The following DPY19L3 variants were observed in gnomAD, a reference collection of about 807,000 sequenced individuals.
DPY19L3 encodes the protein protein C-mannosyl-transferase DPY19L3.
Under a neutral mutation model 92.3 loss-of-function variants are expected in DPY19L3, and 51 were observed. The ratio of observed to expected loss-of-function variants is 0.55; its 90% confidence interval spans 0.44 to 0.70. The LOEUF is 0.70. Among genes scored for constraint, DPY19L3 ranks in the 30% least tolerant of loss-of-function variants. The pLI is 0.00. For synonymous variants in DPY19L3, 309 were observed against 315.2 expected (o/e 0.98, Z 0.21); for missense variants, 706 against 855.9 (o/e 0.82, Z 2.18).
At chr19:32,476,528 C>CAAAA (rs71176126) in intron 16 of DPY19L3, among the ~76,000 whole-genome samples, 3 of 93,316 alleles carry the variant, frequency 3.2e-5, no homozygotes, top group Non-Finnish European at 6.6e-5. Flanking sequence ...CTCAGGTTTC[C>CAAAA]AAAAAAAAAA....
intron 7 of DPY19L3, 59 bp from the exon 8 acceptor site, chr19:32,439,717 T>G: frequency 1.3e-6 from 2 of 1,566,848 alleles, no homozygotes; most frequent in Non-Finnish European, 1.7e-6. Flanking sequence ...AGAAAACTTG[T>G]CTGCAAGGTT....
At chr19:32,466,382 ACC>A (rs1408700159) in intron 15 of DPY19L3, among the ~76,000 whole-genome samples, 2 of 151,974 alleles carry the variant, frequency 1.3e-5, no homozygotes, top group Non-Finnish European at 2.9e-5. Context: ...AGTTTTAAGA[ACC>A]CCCTGCTGTA....
intron 16 of DPY19L3, among the ~76,000 whole-genome samples, chr19:32,476,817 AT>A (rs766785305): frequency 1.8e-4 from 27 of 152,242 alleles, no homozygotes; most frequent in African/African-American, 6.3e-4. Context: ...CATCAGAAGT[AT>A]TTGTGTATCC....
intron 10 of DPY19L3, among the ~76,000 whole-genome samples, chr19:32,457,587 C>T (rs751272395): frequency 7.2e-5 from 11 of 152,182 alleles, no homozygotes; most frequent in Non-Finnish European, 1.6e-4. Context: ...ATTGTAATCA[C>T]TAATGATGAA....
intron 14 of DPY19L3, 102 bp from the exon 15 acceptor site, chr19:32,464,626 C>T: frequency 1.5e-6 from 1 of 666,978 alleles, no homozygotes. Context: ...CACTTGAGCC[C>T]AAGAATTCCA....
chr19:32,467,529 A>T (rs1313679832), intron 15 of DPY19L3: 2 of 987,482 alleles, frequency 2.0e-6, no homozygotes, highest in African/African-American at 3.5e-5. Flanking sequence ...TGATTCACCC[A>T]CCCAGGAGAC....
At chr19:32,407,264 T>TCCCCCCCCCCC (rs148363125) in intron 1 of DPY19L3, among the ~76,000 whole-genome samples, 1 of 81,312 alleles carries the variant, frequency 1.2e-5, no homozygotes. Context: ...AGGCTCCTGC[T>TCCCCCCCCCCC]CCCCCCCACC....
intron 12 of DPY19L3, among the ~76,000 whole-genome samples, chr19:32,459,636 C>T (rs920283650): frequency 4.6e-5 from 7 of 152,136 alleles, no homozygotes; most frequent in Admixed American, 3.9e-4. Flanking sequence ...CAAGTGTCAA[C>T]AGGACTCTGG....
intron 10 of DPY19L3, among the ~76,000 whole-genome samples, chr19:32,456,724 G>A (rs1396186915): frequency 2.6e-5 from 4 of 152,066 alleles, no homozygotes; most frequent in African/African-American, 4.8e-5. Context: ...ACGAGCTGCT[G>A]CACTCAGCCA....
At chr19:32,441,842 G>C (rs891629449) in intron 8 of DPY19L3, among the ~76,000 whole-genome samples, 6 of 151,998 alleles carry the variant, frequency 3.9e-5, no homozygotes, top group African/African-American at 1.5e-4. Context: ...GTACTGTTTT[G>C]GCTCACATAC....
chr19:32,453,499 A>G (rs1441244487), intron 9 of DPY19L3, among the ~76,000 whole-genome samples: 1 of 152,118 alleles, frequency 6.6e-6, no homozygotes, highest in Non-Finnish European at 1.5e-5. Context: ...GAGAATTGGA[A>G]CCTTACCTTC....
At chr19:32,445,933 C>G (rs775995349) in intron 8 of DPY19L3, among the ~76,000 whole-genome samples, 10 of 151,884 alleles carry the variant, frequency 6.6e-5, no homozygotes, top group African/African-American at 2.4e-4. Context: ...ACCTAGGAGG[C>G]GGAGGTTGCA....
intron 9 of DPY19L3, among the ~76,000 whole-genome samples, chr19:32,454,340 C>A (rs1323037876): frequency 1.3e-5 from 2 of 152,050 alleles, no homozygotes; most frequent in Non-Finnish European, 2.9e-5. Flanking sequence ...TTTGGGAGGC[C>A]AAGGCTGGCA....
At chr19:32,480,767 AG>A in intron 18 of DPY19L3, 4 of 636,826 alleles carry the variant, frequency 6.3e-6, no homozygotes, top group Non-Finnish European at 1.1e-5. Context: ...GTGAGAGGGG[AG>A]CCCTGGGTCC....
intron 3 of DPY19L3, among the ~76,000 whole-genome samples, chr19:32,422,599 AAAAG>A (rs764726332): frequency 4.0e-5 from 6 of 149,750 alleles, no homozygotes; most frequent in African/African-American, 1.2e-4. Context: ...GTGTCCCAAA[AAAAG>A]AGAACGAGAA....
chr19:32,469,673 G>A lies in DPY19L3; in HGVS notation c.1697+860G>A, dbSNP rs1010005925. 4.6e-5 allele frequency among the ~76,000 whole-genome samples: 7 copies of A among 152,192 alleles called. No homozygotes were observed. The East Asian group carries it at 7.7e-4, about 17-fold the overall frequency. On this transcript the variant is annotated intron_variant, in intron 16 of 18. Transcript: ENST00000392250. ...TTAGATACAAAACCTGGAACTTTCC[G>A]TCTTGAATATCATAATGCTTTAGTG...
chr19:32,478,830 A>G (rs569008973), intron 17 of DPY19L3, among the ~76,000 whole-genome samples: 26 of 152,322 alleles, frequency 1.7e-4, no homozygotes, highest in Non-Finnish European at 3.1e-4. Context: ...TATATGAACA[A>G]TGCTGCAGAT....
intron 12 of DPY19L3, 48 bp downstream of exon 12, chr19:32,458,557 C>G (rs948176808): frequency 1.3e-6 from 2 of 1,553,142 alleles, no homozygotes; most frequent in African/African-American, 1.4e-5. Context: ...TGAACTTGTT[C>G]CATGTTGCAG....
chr19:32,467,755 A>C, intron 15 of DPY19L3: 2 of 984,200 alleles, frequency 2.0e-6, no homozygotes, highest in Non-Finnish European at 2.4e-6. Flanking sequence ...TGACCTTAGA[A>C]TGTATATAGA....
Sources: gnomAD v4.1 joint callset for allele counts (sites outside exome capture counted in the v4.1 genomes callset) on GRCh38, gnomAD v4.1.1 for gene constraint, MANE v1.5 for transcripts, NCBI Gene and HGNC (gene_info 2026-07-23, HGNC 2026-07-21) for gene names.